The following HKDC1 variants were observed in gnomAD, a reference collection of about 807,000 sequenced individuals.
HKDC1 encodes hexokinase HKDC1.
Under a neutral mutation model 96.6 loss-of-function variants are expected in HKDC1, and 66 were observed. That is an observed-to-expected ratio of 0.68 (90% confidence interval 0.56 to 0.84). The LOEUF (loss-of-function observed/expected upper bound fraction) is 0.84. HKDC1 is among the 40% of genes least tolerant of loss of function. HKDC1 has a pLI of 0.00. For missense variants in HKDC1, 1,211 were observed against 1,208.1 expected, an observed-to-expected ratio of 1.00 and a Z score of -0.04; for synonymous variants, 466 against 473.1, an observed-to-expected ratio of 0.98 and a Z score of 0.20.
At position 69,249,789 on chromosome 10, in the gene HKDC1, G is replaced by A. The variant is rs550524267; in HGVS notation, c.1571-501G>A. The stretch of plus-strand genomic sequence containing the variant: ...GCTGGGATTACAGGCGTGAGCCACC[G>A]CGCCAGACCGGAGGCCCCTTGAGTA... On this transcript the variant is annotated intron_variant, in intron 10 of 17. Coordinates refer to ENST00000354624, the MANE Select transcript of HKDC1 (RefSeq NM_025130.4). Among the ~76,000 whole-genome samples the A allele has an allele frequency of 7.2e-5, 11 of 152,268 alleles. No homozygotes were observed. The East Asian group carries it at 9.6e-4, about 13-fold the overall frequency.
rs1392423341 is a variant in HKDC1 at position 69,267,397 on chromosome 10, C to T, written c.*640C>T. On this transcript the variant is annotated 3_prime_UTR_variant, in exon 18 of 18. Transcript: ENST00000354624. ...TGTCAGCACCCTGTAGGATTTTGTT[C>T]CTTATTAAGTGTGTGCCATGTGGTG... is the stretch of plus-strand genomic sequence containing the variant. The T allele has an allele frequency of 2.3e-6, 1 of 428,992 alleles. No individual in the cohort carries two copies. Among genetic ancestry groups the T allele is most frequent in the Non-Finnish European group, 4.6e-6 (1 of 219,544 alleles). The allele number at this position is 428,992 out of a possible 1,614,324, so 26.6% of individuals were successfully genotyped here. A position where few individuals can be genotyped will look rare whatever the true frequency, so the allele number is the denominator to read the frequency against.
chr10:69,229,276 C>G (rs1250734642), intron 2 of HKDC1, among the ~76,000 whole-genome samples: 1 of 152,224 alleles, frequency 6.6e-6, no homozygotes, highest in Non-Finnish European at 1.5e-5. Context: ...ATGCCTGGAT[C>G]AAGGTAGCTT....
At chr10:69,260,888 C>T (rs1332212456) in intron 15 of HKDC1, among the ~76,000 whole-genome samples, 2 of 152,158 alleles carry the variant, frequency 1.3e-5, no homozygotes, top group Non-Finnish European at 2.9e-5. Flanking sequence ...GGGGCCAAGA[C>T]CAGGGACTAA....
chr10:69,228,886 G>GAAGA (rs144331038), intron 2 of HKDC1, among the ~76,000 whole-genome samples: 63 of 141,712 alleles, frequency 4.4e-4, no homozygotes, highest in Non-Finnish European at 2.7e-4. Context: ...AAGAAAGGAA[G>GAAGA]AAGAAAGAAA....
At chr10:69,266,514 CA>C in intron 17 of HKDC1, 95 bp from the exon 18 acceptor site, 2 of 1,345,612 alleles carry the variant, frequency 1.5e-6, no homozygotes, top group Non-Finnish European at 1.0e-6. Flanking sequence ...AAAAGCAAAC[CA>C]AAGGGAAGAA....
chr10:69,242,341 A>T (rs1214257191), intron 6 of HKDC1, among the ~76,000 whole-genome samples: 1 of 143,872 alleles, frequency 7.0e-6, no homozygotes, highest in African/African-American at 2.5e-5. Context: ...TTTTCCAAAT[A>T]TTACATTCTG....
chr10:69,223,021 A>G (rs1434071954), intron 1 of HKDC1: 1 of 152,228 alleles, frequency 6.6e-6, no homozygotes, highest in Non-Finnish European at 1.5e-5. Context: ...ACAATTTCTA[A>G]AAATCTTCCC....
intron 7 of HKDC1, among the ~76,000 whole-genome samples, chr10:69,243,858 T>C (rs1843494898): frequency 6.6e-6 from 1 of 152,214 alleles, no homozygotes; most frequent in Non-Finnish European, 1.5e-5. Context: ...AATGAGGAAA[T>C]AGAAGCCAAG....
At chr10:69,246,732 C>T (rs543030277) in intron 8 of HKDC1, among the ~76,000 whole-genome samples, 5 of 152,218 alleles carry the variant, frequency 3.3e-5, no homozygotes, top group African/African-American at 7.2e-5. Context: ...ACACACAGGT[C>T]CCTCGCATGG....
chr10:69,233,595 G>T (rs1843309566), intron 4 of HKDC1, among the ~76,000 whole-genome samples: 1 of 152,104 alleles, frequency 6.6e-6, no homozygotes, highest in African/African-American at 2.4e-5. Context: ...TCAGGAGGAG[G>T]ATTAGAATGG....
rs540287715 is a variant in HKDC1, at chr10:69,239,360, A to C, written c.591+223A>C. Among the ~76,000 whole-genome samples the C allele has an allele frequency of 2.0e-5, 3 of 152,324 alleles. No individual in the cohort carries two copies. In the South Asian group the frequency reaches 6.2e-4, roughly 32 times the overall value. On this transcript the variant is annotated intron_variant, in intron 5 of 17. Coordinates refer to ENST00000354624, the MANE Select transcript of HKDC1 (RefSeq NM_025130.4). ...GCGGGGCTTGCACCAATCCCTATTG[A>C]AAGGTGGCCAGCTCATCCCTGGGCC...
At position 69,266,915 on chromosome 10, in the gene HKDC1, A is replaced by G; in HGVS notation, c.*158A>G. The G allele has an allele frequency of 1.5e-6, 1 of 650,178 alleles. No individual in the cohort carries two copies. Among genetic ancestry groups the G allele is most frequent in the Non-Finnish European group, 2.6e-6 (1 of 390,364 alleles). The allele number at this position is 650,178 out of a possible 1,614,324, so 40.3% of individuals were successfully genotyped here. A position where few individuals can be genotyped will look rare whatever the true frequency, so the allele number is the denominator to read the frequency against. On this transcript the variant is annotated 3_prime_UTR_variant, in exon 18 of 18. Coordinates refer to ENST00000354624, the MANE Select transcript of HKDC1 (RefSeq NM_025130.4). ...TTCTCGGGTACTCTTAGTATCTTGTACTGGATTTGCAGTGACATTACATGA... is the reference window on the plus strand; with the variant it reads ...TTCTCGGGTACTCTTAGTATCTTGTGCTGGATTTGCAGTGACATTACATGA...
At chr10:69,233,218 GAAC>G (rs1370962701) in intron 4 of HKDC1, 85 bp downstream of exon 4, 1 of 1,526,582 alleles carries the variant, frequency 6.6e-7, no homozygotes, top group Admixed American at 2.0e-5. Context: ...ACGCAGGAGA[GAAC>G]AGCAGGAGCT....
At chr10:69,254,487 T>C (rs1843690801) in intron 12 of HKDC1, among the ~76,000 whole-genome samples, 1 of 152,192 alleles carries the variant, frequency 6.6e-6, no homozygotes, top group Admixed American at 6.5e-5. Context: ...TGAATTTCTG[T>C]ACTCATTGAG....
Position 69,250,403 on chromosome 10 carries a change from C to T in HKDC1, c.1684C>T (p.Pro562Ser). 6.2e-7 allele frequency: 1 copy of T among 1,613,942 alleles called. No homozygotes were observed. Among genetic ancestry groups the T allele is most frequent in the Non-Finnish European group, 8.5e-7 (1 of 1,179,856 alleles). ...VRMYNKIFAI[P>S]LEIMQGTGEE... ...AATGTACAACAAGATCTTCGCCATC[C>T]CCCTGGAGATCATGCAGGGCACTGG... The change falls in exon 11 of 18, where the codon CCC (proline) becomes TCC (serine). Residue 562 changes from proline to serine, a missense_variant. Pro to Ser is a moderately conservative substitution (Grantham distance 74). Transcript: ENST00000354624.
At chr10:69,237,743 A>G (rs923507083) in intron 4 of HKDC1, among the ~76,000 whole-genome samples, 1 of 152,186 alleles carries the variant, frequency 6.6e-6, no homozygotes, top group African/African-American at 2.4e-5. Flanking sequence ...AGCAGAAGTT[A>G]GGGAGAGCTG....
chr10:69,248,768 G>T, intron 10 of HKDC1, 40 bp downstream of exon 10: 1 of 1,526,692 alleles, frequency 6.6e-7, no homozygotes, highest in Non-Finnish European at 8.8e-7. Flanking sequence ...AGCCATCCAG[G>T]GCTCCCGTCA....
intron 2 of HKDC1, among the ~76,000 whole-genome samples, chr10:69,229,849 G>T (rs1431165582): frequency 6.6e-6 from 1 of 152,122 alleles, no homozygotes; most frequent in African/African-American, 2.4e-5. Flanking sequence ...AGGTGTTCTT[G>T]GTAAATCCCG....
rs758122815 is a variant in HKDC1 at position 69,261,182 on chromosome 10, C to A, written c.2260C>A (p.Arg754=). The change falls in exon 16 of 18, where the codon CGG becomes AGG. Residue 754 remains arginine (R), a synonymous_variant. Coordinates refer to ENST00000354624, the MANE Select transcript of HKDC1 (RefSeq NM_025130.4). ...TSGMYLGEIV[R]QILIDLTKQG... ...TGGGATGTACTTGGGGGAGATTGTG[C>A]GGCAGATCCTGATCGACCTGACCAA... 77 of 1,613,778 alleles carry A rather than the reference C, an allele frequency of 4.8e-5. No individual in the cohort carries two copies. The highest frequency in any genetic ancestry group is 6.3e-5 in the Non-Finnish European group (74 of 1,179,860).
Sources: gnomAD v4.1 joint callset for allele counts (sites outside exome capture counted in the v4.1 genomes callset) on GRCh38, gnomAD v4.1.1 for gene constraint, MANE v1.5 for transcripts, NCBI Gene and HGNC (gene_info 2026-07-23, HGNC 2026-07-21) for gene names.